Variants in KAZN observed in about 807,000 individuals in gnomAD.
The protein encoded by KAZN is kazrin.
A neutral mutation model predicts 87.4 loss-of-function variants in KAZN; 40 were observed. That is an observed-to-expected ratio of 0.46 (90% CI 0.36 to 0.60). KAZN has a LOEUF of 0.60. KAZN is among the 20% of genes least tolerant of loss of function. The pLI is 0.00. For missense variants in KAZN, 898 were observed against 1,073.9 expected (o/e 0.84, Z 2.29); for synonymous variants, 466 against 458.3 (o/e 1.02, Z -0.22).
At chr1:14,911,903 G>C (rs567282780) in intron 1 of KAZN, among the ~76,000 whole-genome samples, 1 of 152,164 alleles carries the variant, frequency 6.6e-6, no homozygotes, top group Admixed American at 6.5e-5. Flanking sequence ...CTGTAATCCA[G>C]CACTTTGGGA....
chr1:14,749,670 A>G (rs770765255), intron 1 of KAZN, among the ~76,000 whole-genome samples: 37 of 152,134 alleles, frequency 2.4e-4, no homozygotes, highest in African/African-American at 8.4e-4. Flanking sequence ...CCCTTCTGTC[A>G]TGGTGCTCAG....
intron 2 of KAZN, among the ~76,000 whole-genome samples, chr1:14,541,819 G>C (rs1481374723): frequency 1.3e-5 from 2 of 152,174 alleles, no homozygotes; most frequent in African/African-American, 4.8e-5. Flanking sequence ...TGGGCTGAAT[G>C]GTTAGATAAC....
intron 1 of KAZN, among the ~76,000 whole-genome samples, chr1:13,913,014 G>A (rs1023339493): frequency 6.6e-6 from 1 of 152,180 alleles, no homozygotes; most frequent in Non-Finnish European, 1.5e-5. Flanking sequence ...TAAGAAGATT[G>A]GCTTAGATGA....
At chr1:14,361,646 A>G (rs1269721797) in intron 2 of KAZN, among the ~76,000 whole-genome samples, 1 of 152,266 alleles carries the variant, frequency 6.6e-6, no homozygotes, top group African/African-American at 2.4e-5. Context: ...TCTGGGCCAG[A>G]GTGCACCATG....
At chr1:14,997,221 A>T (rs931272777) in intron 2 of KAZN, among the ~76,000 whole-genome samples, 3 of 95,180 alleles carry the variant, frequency 3.2e-5, no homozygotes, top group South Asian at 6.2e-4. Context: ...TTATTTATTT[A>T]TTTATTTATT....
At chr1:13,904,328 A>G (rs1303940427) in intron 1 of KAZN, among the ~76,000 whole-genome samples, 1 of 152,056 alleles carries the variant, frequency 6.6e-6, no homozygotes, top group Non-Finnish European at 1.5e-5. Flanking sequence ...AATAGGCAAC[A>G]CCCTGTGGCC....
chr1:14,020,086 AGCATGCAGCATAGATTTCTT>A (rs1468465986), intron 1 of KAZN, among the ~76,000 whole-genome samples: 3 of 151,830 alleles, frequency 2.0e-5, no homozygotes, highest in African/African-American at 4.8e-5. Flanking sequence ...TCTCATCAGG[AGCATGCAGCATAGATTTCTT>A]GCATGCACAA....
chr1:14,417,199 A>C (rs1401970223), intron 2 of KAZN, among the ~76,000 whole-genome samples: 1 of 151,936 alleles, frequency 6.6e-6, no homozygotes, highest in African/African-American at 2.4e-5. Context: ...AAAAAAAGGA[A>C]AAAACAAAGA....
intron 2 of KAZN, among the ~76,000 whole-genome samples, chr1:14,973,549 G>A (rs1440288469): frequency 1.3e-5 from 2 of 152,036 alleles, no homozygotes; most frequent in African/African-American, 2.4e-5. Context: ...TTTTAGATAG[G>A]GTGGGCATGT....
chr1:14,519,466 A>G (rs574049234), intron 2 of KAZN, among the ~76,000 whole-genome samples: 1 of 152,276 alleles, frequency 6.6e-6, no homozygotes, highest in Non-Finnish European at 1.5e-5. Context: ...TGAGCGGCAG[A>G]TACTACCCTC....
At chr1:14,589,870 G>A (rs1340080991) in intron 2 of KAZN, among the ~76,000 whole-genome samples, 1 of 152,118 alleles carries the variant, frequency 6.6e-6, no homozygotes, top group Admixed American at 6.5e-5. Context: ...AGCATCCTGG[G>A]AGTAGAAAGA....
intron 2 of KAZN, among the ~76,000 whole-genome samples, chr1:14,408,260 T>C (rs1664025381): frequency 6.6e-6 from 1 of 152,190 alleles, no homozygotes; most frequent in Non-Finnish European, 1.5e-5. Flanking sequence ...CCAAGAGGGA[T>C]GTATCTTTTG....
In KAZN at chr1:14,797,147, G is replaced by A. The variant is rs10927550; in HGVS notation, c.227-163537G>A. 2.3e-3 allele frequency among the ~76,000 whole-genome samples: 349 copies of A among 151,754 alleles called. 1 individual carries two copies. Among genetic ancestry groups the A allele is most frequent in the African/African-American group, 8.2e-3 (338 of 41,210 alleles). Reference sequence around the variant, plus strand: ...ATGATCTCGGCTCACTGCAGCCTCCGCCTCCTGGGTTCAAGTGATTCTCCT... The same window carrying A: ...ATGATCTCGGCTCACTGCAGCCTCCACCTCCTGGGTTCAAGTGATTCTCCT... On this transcript the variant is annotated intron_variant, in intron 1 of 14. Coordinates refer to ENST00000376030, the MANE Select transcript of KAZN (RefSeq NM_201628.3).
intron 1 of KAZN, among the ~76,000 whole-genome samples, chr1:13,949,589 C>A (rs1034513725): frequency 1.3e-5 from 2 of 152,134 alleles, no homozygotes; most frequent in Admixed American, 6.5e-5. Context: ...GCGATCATAA[C>A]AGCTCACACT....
At chr1:14,911,349 T>C (rs1246190669) in intron 1 of KAZN, among the ~76,000 whole-genome samples, 1 of 152,248 alleles carries the variant, frequency 6.6e-6, no homozygotes, top group African/African-American at 2.4e-5. Flanking sequence ...ATGCTCTCTA[T>C]GTCCCTGGGA....
intron 2 of KAZN, among the ~76,000 whole-genome samples, chr1:14,970,206 C>T (rs532531637): frequency 6.6e-6 from 1 of 152,162 alleles, no homozygotes. Context: ...TAGTACGGAG[C>T]GTTGCTGTAT....
intron 1 of KAZN, among the ~76,000 whole-genome samples, chr1:14,717,772 G>A (rs1391544275): frequency 6.6e-6 from 1 of 152,206 alleles, no homozygotes; most frequent in Non-Finnish European, 1.5e-5. Flanking sequence ...GGAAACTGAG[G>A]CCCAAGAGGG....
intron 1 of KAZN, among the ~76,000 whole-genome samples, chr1:14,629,983 A>G (rs960713435): frequency 2.6e-5 from 3 of 117,346 alleles, no homozygotes; most frequent in South Asian, 2.8e-4. Flanking sequence ...GCCAATTCCC[A>G]TGGTGTAAAT....
intron 1 of KAZN, among the ~76,000 whole-genome samples, chr1:14,851,979 C>T (rs569678325): frequency 6.6e-6 from 1 of 152,162 alleles, no homozygotes; most frequent in Non-Finnish European, 1.5e-5. Flanking sequence ...GAGAAATGCG[C>T]CTGGACTTTG....
Sources: allele counts gnomAD v4.1 joint callset (sites outside exome capture counted in the v4.1 genomes callset), GRCh38; gene constraint gnomAD v4.1.1; transcripts MANE v1.5; gene names NCBI Gene and HGNC (gene_info 2026-07-23, HGNC 2026-07-21).